ZNF30: variants seen among roughly 807,000 people sequenced by gnomAD.
ZNF30 encodes the protein zinc finger protein 30.
Under a neutral mutation model 13.2 loss-of-function variants are expected in ZNF30, and 15 were observed. That is an observed-to-expected ratio of 1.13 (90% CI 0.76 to 1.75). The LOEUF (loss-of-function observed/expected upper bound fraction) is 1.75, where lower values mean the gene tolerates loss of function less well. Ranked by LOEUF, ZNF30 falls within the 40% of genes most tolerant of loss-of-function variation. The pLI is 0.00. For missense variants in ZNF30, 726 were observed against 757.0 expected (o/e 0.96, Z 0.48); for synonymous variants, 223 against 256.6 (o/e 0.87, Z 1.25).
At chr19:34,932,711 C>T (rs111395226) in intron 3 of ZNF30, among the ~76,000 whole-genome samples, 3,672 of 151,694 alleles carry the variant, frequency 0.024, 160 homozygotes, top group African/African-American at 0.085. Context: ...CCATAGGTGA[C>T]GGTAGCAGAA....
Position 34,943,845 on chromosome 19 carries a change from T to C in ZNF30, c.879T>C (p.Cys293=). ...AAAAACCTTACGAATGCAAAGAATG[T>C]GGGAAGGCCTTTAGCACTAGCTCAC... ...TSEKPYECKE[C]GKAFSTSSPL... is the part of the protein sequence containing the mutation. The change falls in exon 5 of 5, where the codon TGT becomes TGC. Residue 293 remains cysteine (C), a synonymous_variant. Transcript: ENST00000601142. 15 of 1,614,102 alleles carry C rather than the reference T, an allele frequency of 9.3e-6. No homozygotes were observed. The highest frequency in any genetic ancestry group is 1.2e-5 in the Non-Finnish European group (14 of 1,180,002).
intron 4 of ZNF30, among the ~76,000 whole-genome samples, chr19:34,937,265 G>A (rs963909471): frequency 6.6e-6 from 1 of 151,930 alleles, no homozygotes; most frequent in Non-Finnish European, 1.5e-5. Flanking sequence ...CACCTGCCTC[G>A]GCCTCCCAAA....
chr19:34,928,220 AATATAT>A (rs374649415), intron 1 of ZNF30, among the ~76,000 whole-genome samples: 59 of 73,376 alleles, frequency 8.0e-4, no homozygotes, highest in African/African-American at 3.0e-3. Context: ...AAAAAAAAAA[AATATAT>A]ATATATATAT....
chr19:34,939,149 CCCCTCCCT>C (rs1250485770), intron 4 of ZNF30, among the ~76,000 whole-genome samples: 3 of 96,362 alleles, frequency 3.1e-5, no homozygotes, highest in African/African-American at 1.9e-4. Context: ...CCCCTCCCCT[CCCCTCCCT>C]CCCCTCCCTC....
At chr19:34,932,989 C>G (rs1016402876) in intron 3 of ZNF30, among the ~76,000 whole-genome samples, 2 of 151,628 alleles carry the variant, frequency 1.3e-5, no homozygotes, top group Non-Finnish European at 2.9e-5. Context: ...CCATGTTGAC[C>G]AGGCTGGTCT....
chr19:34,936,432 G>A (rs941143377), intron 4 of ZNF30, among the ~76,000 whole-genome samples: 2 of 152,134 alleles, frequency 1.3e-5, no homozygotes, highest in African/African-American at 2.4e-5. Flanking sequence ...ATGGTGGTAC[G>A]GTCACGTGAG....
chr19:34,942,356 G>T (rs960301197), intron 4 of ZNF30, among the ~76,000 whole-genome samples: 8 of 151,758 alleles, frequency 5.3e-5, no homozygotes, highest in African/African-American at 1.7e-4. Flanking sequence ...GCGGTGGGAG[G>T]GAATCACCTG....
intron 4 of ZNF30, among the ~76,000 whole-genome samples, chr19:34,935,368 C>G (rs1209593395): frequency 6.6e-6 from 1 of 152,180 alleles, no homozygotes. Context: ...CTTCTACCTT[C>G]CCTTAAGGCT....
chr19:34,925,313 A>C (rs1260794389), upstream of ZNF30, among the ~76,000 whole-genome samples: 5 of 152,376 alleles, frequency 3.3e-5, no homozygotes, highest in East Asian at 9.6e-4. Flanking sequence ...GAAGAATCAG[A>C]TCACACATGG....
intron 1 of ZNF30, among the ~76,000 whole-genome samples, 199 bp from the exon 2 acceptor site, chr19:34,929,685 C>T (rs895795911): frequency 5.3e-5 from 8 of 152,198 alleles, no homozygotes; most frequent in African/African-American, 1.9e-4. Flanking sequence ...CTGATTCTGC[C>T]TTCCTTAAGA....
chr19:34,944,986 A>G lies in ZNF30; in HGVS notation c.*148A>G. 2.7e-6 allele frequency: 2 copies of G among 753,952 alleles called. No homozygotes were observed. The highest frequency in any genetic ancestry group is 4.0e-6 in the Non-Finnish European group (2 of 501,554). The allele number at this position is 753,952 out of a possible 1,614,324, so 46.7% of individuals were successfully genotyped here. On this transcript the variant is annotated 3_prime_UTR_variant, in exon 5 of 5. Transcript: ENST00000601142. The stretch of plus-strand genomic sequence containing the variant: ...ATTCATAATATAACTCAGAAAACAT[A>G]AGAATATTCCTTTGTCATTTATAGG...
Position 34,929,009 on chromosome 19 carries a change from G to T in ZNF30, c.-64-875G>T, listed in dbSNP as rs539490552. ...ATAGTAAGAGCTAACTCGGCTGCGC[G>T]CGGTGGCTCACGCCTGTAATCCCAG... is the stretch of plus-strand genomic sequence containing the variant. On this transcript the variant is annotated intron_variant, in intron 1 of 4. Coordinates refer to ENST00000601142, the MANE Select transcript of ZNF30 (RefSeq NM_194325.3). Among the ~76,000 whole-genome samples the T allele has an allele frequency of 5.3e-5, 8 of 152,236 alleles. No individual in the cohort carries two copies. The East Asian group carries it at 1.4e-3, about 26-fold the overall frequency.
chr19:34,930,084 G>A (rs2012367264), intron 2 of ZNF30, 128 bp downstream of exon 2: 2 of 929,818 alleles, frequency 2.2e-6, no homozygotes, highest in Non-Finnish European at 1.6e-6. Context: ...CTGTTTGGCG[G>A]AATGATGTCA....
chr19:34,943,993 C>G lies in ZNF30; in HGVS notation c.1027C>G (p.Pro343Ala). Residue 343 changes from proline to alanine, a missense_variant, in exon 5 of 5, where the codon CCT becomes GCT. Coordinates refer to ENST00000601142, the MANE Select transcript of ZNF30 (RefSeq NM_194325.3). The part of the protein sequence containing the change: ...RHQSIHTGEK[P>A]FECKECGKAF... ...TCAGAGTATTCATACTGGTGAGAAA[C>G]CTTTTGAATGTAAGGAATGTGGAAA... 6.2e-7 allele frequency: 1 copy of G among 1,614,010 alleles called. No individual in the cohort carries two copies. The highest frequency in any genetic ancestry group is 8.5e-7 in the Non-Finnish European group (1 of 1,180,022).
chr19:34,935,060 T>C (rs2012652744), intron 4 of ZNF30, among the ~76,000 whole-genome samples: 1 of 151,926 alleles, frequency 6.6e-6, no homozygotes, highest in African/African-American at 2.4e-5. Context: ...AAACCCCGTC[T>C]CTACTAAAAA....
intron 4 of ZNF30, among the ~76,000 whole-genome samples, chr19:34,937,728 TA>T (rs960875759): frequency 2.9e-4 from 42 of 145,304 alleles, no homozygotes; most frequent in East Asian, 1.2e-3. Context: ...CTCTTAAAAA[TA>T]AAAAAAAAAA....
At chr19:34,928,244 TATATATATATAGATAGATAG>T (rs2012219308) in intron 1 of ZNF30, among the ~76,000 whole-genome samples, 1 of 54,366 alleles carries the variant, frequency 1.8e-5, no homozygotes, top group South Asian at 6.6e-4. Flanking sequence ...TATATATATA[TATATATATATAGATAGATAG>T]ATAGATAGAT....
chr19:34,926,807 T>A, upstream of ZNF30: 3 of 396,138 alleles, frequency 7.6e-6, no homozygotes, highest in Non-Finnish European at 4.4e-6. Flanking sequence ...ACGCCCCAGC[T>A]TCGAGGTCTA....
rs778670909 is a variant in ZNF30, at chr19:34,944,684, G to A, written c.1718G>A (p.Cys573Tyr). The A allele has an allele frequency of 1.2e-6, 2 of 1,612,560 alleles. No individual in the cohort carries two copies. The highest frequency in any genetic ancestry group is 3.3e-5 in the Admixed American group (2 of 59,956). ...TGEKPFECKE[C>Y]GKAFRLNSFL... Reference sequence around the variant, plus strand: ...GAGAAACCTTTTGAATGTAAGGAATGCGGGAAGGCCTTTAGACTTAATTCA... The same window carrying A: ...GAGAAACCTTTTGAATGTAAGGAATACGGGAAGGCCTTTAGACTTAATTCA... The change falls in exon 5 of 5, where the codon TGC (cysteine) becomes TAC (tyrosine). Residue 573 changes from cysteine (C) to tyrosine (Y), a missense_variant. Transcript: ENST00000601142.
Sources: gnomAD v4.1 joint callset for allele counts (sites outside exome capture counted in the v4.1 genomes callset) on GRCh38, gnomAD v4.1.1 for gene constraint, MANE v1.5 for transcripts, NCBI Gene and HGNC (gene_info 2026-07-23, HGNC 2026-07-21) for gene names.